The following SGPP2 variants were observed in gnomAD, a reference collection of about 807,000 sequenced individuals.
The protein encoded by SGPP2 is sphingosine-1-phosphate phosphatase 2.
Under a neutral mutation model 33.9 loss-of-function variants are expected in SGPP2, and 30 were observed. The observed-to-expected ratio is 0.89, with a 90% CI of 0.66 to 1.20. The LOEUF (loss-of-function observed/expected upper bound fraction) is 1.20, where lower values mean the gene tolerates loss of function less well. SGPP2 is among the 50% of genes most tolerant of loss of function. The pLI is 0.00. For missense variants in SGPP2, 458 were observed against 532.1 expected (o/e 0.86, Z 1.37); for synonymous variants, 233 against 225.0 (o/e 1.04, Z -0.32).
chr2:222,511,433 G>T (rs1426566912), intron 2 of SGPP2, among the ~76,000 whole-genome samples: 1 of 152,188 alleles, frequency 6.6e-6, no homozygotes, highest in Non-Finnish European at 1.5e-5. Context: ...CCCCTAGCCA[G>T]TTTACTAAGG....
Position 222,532,961 on chromosome 2 carries a change from CAG to C in SGPP2, c.648+7931_648+7932del, listed in dbSNP as rs1489781089. 3.3e-5 allele frequency among the ~76,000 whole-genome samples: 5 copies of C among 152,162 alleles called. No homozygotes were observed. In the East Asian group the frequency reaches 9.6e-4, roughly 29 times the overall value. ...TCTGGGCTCACCATTCAAGGTAAAA[CAG>C]AGTTCCTTATTGCTGAAGCCAGTTT... is the stretch of plus-strand genomic sequence containing the variant. On this transcript the variant is annotated intron_variant, in intron 4 of 4. Coordinates refer to ENST00000321276, the MANE Select transcript of SGPP2 (RefSeq NM_152386.4).
rs530226450 is a variant in SGPP2 at position 222,449,593 on chromosome 2, C to T, written c.219+24772C>T. On this transcript the variant is annotated intron_variant, in intron 1 of 4. Coordinates refer to ENST00000321276, the MANE Select transcript of SGPP2 (RefSeq NM_152386.4). The stretch of plus-strand genomic sequence containing the variant: ...CAAGTGATTCTCCTGCCTCAGCCTC[C>T]CAAGTAGCTGGGACTATAGGCACCT... 1.6e-3 allele frequency among the ~76,000 whole-genome samples: 244 copies of T among 152,202 alleles called. 1 individual carries two copies. Among genetic ancestry groups the T allele is most frequent in the Non-Finnish European group, 3.1e-3 (212 of 68,002 alleles).
At chr2:222,529,952 T>C (rs1476808494) in intron 4 of SGPP2, among the ~76,000 whole-genome samples, 1 of 152,248 alleles carries the variant, frequency 6.6e-6, no homozygotes, top group Non-Finnish European at 1.5e-5. Flanking sequence ...GGCTGTGGAA[T>C]GGATGGTGTG....
At chr2:222,484,607 C>T (rs1396763568) in intron 2 of SGPP2, among the ~76,000 whole-genome samples, 2 of 152,044 alleles carry the variant, frequency 1.3e-5, no homozygotes, top group Admixed American at 6.5e-5. Context: ...AATGTCTTAC[C>T]GAGAAAAAAC....
chr2:222,469,923 A>T (rs1574846910), intron 1 of SGPP2, among the ~76,000 whole-genome samples: 1 of 152,246 alleles, frequency 6.6e-6, no homozygotes, highest in African/African-American at 2.4e-5. Context: ...ACCATGGAAT[A>T]CCATGCAGCC....
Position 222,476,187 on chromosome 2 carries a change from A to G in SGPP2, c.378+1461A>G, listed in dbSNP as rs7573008. Among the ~76,000 whole-genome samples, 11,605 of 152,198 alleles carry G rather than the reference A, an allele frequency of 0.076. 501 individuals are homozygous for G. The highest frequency in any genetic ancestry group is 0.094 in the African/African-American group (3,885 of 41,514). ...GAAGATTTTAGCAAGTGACTTTCCT[A>G]TGGTGAGCATTATGTTTTCTCATTT... On this transcript the variant is annotated intron_variant, in intron 2 of 4. Transcript: ENST00000321276. The surrounding 1 kb of genome is among the most constrained non-coding windows in gnomAD (Gnocchi z 4.3).
At chr2:222,535,308 G>A (rs1316341167) in intron 4 of SGPP2, among the ~76,000 whole-genome samples, 1 of 148,934 alleles carries the variant, frequency 6.7e-6, no homozygotes, top group African/African-American at 2.5e-5. Context: ...AACCTGGGAG[G>A]CGGAGGTTAC....
intron 1 of SGPP2, among the ~76,000 whole-genome samples, chr2:222,468,544 T>C (rs1037645094): frequency 9.8e-5 from 15 of 152,340 alleles, no homozygotes; most frequent in Non-Finnish European, 2.1e-4. Context: ...ATTCCTCCTT[T>C]GAAAGCTCAA....
intron 2 of SGPP2, among the ~76,000 whole-genome samples, chr2:222,497,206 C>T (rs1230602446): frequency 6.6e-6 from 1 of 151,602 alleles, no homozygotes; most frequent in African/African-American, 2.4e-5. Context: ...AAACCAGAAA[C>T]CAACTTTATT....
chr2:222,438,897 A>G (rs1038373405), intron 1 of SGPP2, among the ~76,000 whole-genome samples: 6 of 152,282 alleles, frequency 3.9e-5, no homozygotes, highest in African/African-American at 1.4e-4. Flanking sequence ...CTTTCCCGCC[A>G]TAATAGCCCT....
At chr2:222,440,742 T>A (rs551777841) in intron 1 of SGPP2, among the ~76,000 whole-genome samples, 2 of 152,312 alleles carry the variant, frequency 1.3e-5, no homozygotes, top group African/African-American at 4.8e-5. Context: ...AACTTCAGTC[T>A]CTCTTCCAGT....
chr2:222,427,012 A>G (rs1697081422), intron 1 of SGPP2, among the ~76,000 whole-genome samples: 1 of 152,178 alleles, frequency 6.6e-6, no homozygotes, highest in Admixed American at 6.5e-5. Flanking sequence ...CTGACCTTCC[A>G]GCCTAGCTCC....
At chr2:222,516,558 A>G (rs1328529238) in intron 2 of SGPP2, among the ~76,000 whole-genome samples, 2 of 152,246 alleles carry the variant, frequency 1.3e-5, no homozygotes, top group East Asian at 1.9e-4. Flanking sequence ...TGGCTGGATC[A>G]TATGATAAGT....
chr2:222,555,054 T>C (rs2106157785), intron 4 of SGPP2, among the ~76,000 whole-genome samples: 1 of 151,930 alleles, frequency 6.6e-6, no homozygotes, highest in African/African-American at 2.4e-5. Flanking sequence ...TAATCAATTC[T>C]CCATCACTAT....
At chr2:222,446,018 A>G (rs1697393279) in intron 1 of SGPP2, among the ~76,000 whole-genome samples, 1 of 152,220 alleles carries the variant, frequency 6.6e-6, no homozygotes, top group Admixed American at 6.5e-5. Flanking sequence ...TGGAAGGAAC[A>G]TTTGGGGACT....
chr2:222,544,444 C>T (rs1242923211), intron 4 of SGPP2, among the ~76,000 whole-genome samples: 11 of 152,186 alleles, frequency 7.2e-5, no homozygotes, highest in Admixed American at 6.5e-4. Flanking sequence ...GGTTCCACAA[C>T]TCTCCATGGT....
chr2:222,483,616 CG>C (rs1698061981), intron 2 of SGPP2, among the ~76,000 whole-genome samples: 1 of 152,142 alleles, frequency 6.6e-6, no homozygotes, highest in South Asian at 2.1e-4. Flanking sequence ...AAGAGGTAAA[CG>C]TTTTGTGATA....
chr2:222,469,223 A>G (rs1865896), intron 1 of SGPP2, among the ~76,000 whole-genome samples: 85,817 of 151,982 alleles, frequency 0.56, 24,982 homozygotes, highest in African/African-American at 0.72. Flanking sequence ...TCGCTCTGTC[A>G]CCCAGGCTGG....
rs1698048478 is a variant in SGPP2, at chr2:222,482,795, T to C, written c.378+8069T>C. On this transcript the variant is annotated intron_variant, in intron 2 of 4. Coordinates refer to ENST00000321276, the MANE Select transcript of SGPP2 (RefSeq NM_152386.4). ...GCTGTACTTGGTCCAAACAGCTGTA[T>C]TGGGTAAGGATGGACAACTAACTAG... 2.0e-5 allele frequency among the ~76,000 whole-genome samples: 3 copies of C among 151,914 alleles called. 1 individual carries two copies. The highest frequency in any genetic ancestry group is 4.1e-4 in the South Asian group (2 of 4,824).
Sources: gnomAD v4.1 joint callset for allele counts (sites outside exome capture counted in the v4.1 genomes callset) on GRCh38, gnomAD v4.1.1 for gene constraint, Gnocchi (gnomAD v3.1) non-coding constraint, MANE v1.5 for transcripts, NCBI Gene and HGNC (gene_info 2026-07-23, HGNC 2026-07-21) for gene names.